LBP: variants seen among roughly 807,000 people sequenced by gnomAD.
The protein encoded by LBP is lipopolysaccharide-binding protein.
A neutral mutation model predicts 56.6 loss-of-function variants in LBP; 53 were observed. The ratio of observed to expected loss-of-function variants is 0.94; its 90% CI spans 0.75 to 1.18. The LOEUF (loss-of-function observed/expected upper bound fraction) is 1.18, where lower values mean the gene tolerates loss of function less well. Ranked by LOEUF, LBP falls within the 50% of genes most tolerant of loss-of-function variation. LBP has a pLI of 0.00. For synonymous variants in LBP, 227 were observed against 247.5 expected, an observed-to-expected ratio of 0.92 and a Z score of 0.78; for missense variants, 601 against 598.3, an observed-to-expected ratio of 1.00 and a Z score of -0.05.
chr20:38,352,817 T>C (rs1203419597), intron 3 of LBP, among the ~76,000 whole-genome samples: 1 of 149,980 alleles, frequency 6.7e-6, no homozygotes, highest in Non-Finnish European at 1.5e-5. Flanking sequence ...GGCTAATTTT[T>C]AAAATTATTT....
Position 38,360,886 on chromosome 20 carries a change from G to A in LBP, c.652+119G>A. The A allele has an allele frequency of 4.3e-6, 3 of 703,548 alleles. No homozygotes were observed. The South Asian group carries it at 6.0e-5, about 14-fold the overall frequency. The allele number at this position is 703,548 out of a possible 1,614,324, so 43.6% of individuals were successfully genotyped here. A position where few individuals can be genotyped will look rare whatever the true frequency, so the allele number is the denominator to read the frequency against. On this transcript the variant is annotated intron_variant, in intron 6 of 14. Coordinates refer to ENST00000217407, the MANE Select transcript of LBP (RefSeq NM_004139.5). ...TATAGAAAGTAAAAATTAAGGGCCAGGCGCAGCGGCTCACACCTGTAATCT... is the reference window on the plus strand; with the variant it reads ...TATAGAAAGTAAAAATTAAGGGCCAAGCGCAGCGGCTCACACCTGTAATCT...
intron 14 of LBP, among the ~76,000 whole-genome samples, chr20:38,375,986 T>C (rs565995273): frequency 7.9e-5 from 12 of 152,332 alleles, no homozygotes; most frequent in South Asian, 2.1e-4. Flanking sequence ...AGACAGATCG[T>C]TGTTCAAAGC....
intron 13 of LBP, 41 bp downstream of exon 13, chr20:38,373,176 C>T (rs1339787459): frequency 6.5e-7 from 1 of 1,534,636 alleles, no homozygotes; most frequent in Non-Finnish European, 9.0e-7. Context: ...AAAGTGAACA[C>T]TGCTGTCTGG....
chr20:38,354,305 T>C lies in LBP; in HGVS notation c.390T>C (p.Asp130=), dbSNP rs2076830730. The change falls in exon 4 of 15, where the codon GAT becomes GAC. Residue 130 remains aspartate (D), a synonymous_variant. Transcript: ENST00000217407. ...KSFFKLQGSF[D]VSVKGISISV... ...CCAGCAAACTACAGGGCTCCTTTGA[T>C]GTCAGTGTCAAGGGCATCAGCATTT... 1.9e-6 allele frequency: 3 copies of C among 1,613,670 alleles called. No homozygotes were observed. The highest frequency in any genetic ancestry group is 2.2e-5 in the East Asian group (1 of 44,874).
intron 5 of LBP, among the ~76,000 whole-genome samples, chr20:38,360,354 A>C (rs2076855460): frequency 6.6e-6 from 1 of 152,130 alleles, no homozygotes; most frequent in South Asian, 2.1e-4. Flanking sequence ...TAAACTCTAA[A>C]TTCTGAGAGG....
chr20:38,364,887 T>G (rs1443969299), intron 8 of LBP, 135 bp downstream of exon 8: 1 of 829,574 alleles, frequency 1.2e-6, no homozygotes, highest in East Asian at 2.6e-5. Context: ...AAGAAAAATA[T>G]GTTAGCACAA....
At chr20:38,348,281 C>G (rs1281052675) in intron 1 of LBP, among the ~76,000 whole-genome samples, 1 of 151,974 alleles carries the variant, frequency 6.6e-6, no homozygotes, top group Non-Finnish European at 1.5e-5. Context: ...TTTATGTAAC[C>G]AGTCCTCTGA....
chr20:38,370,109 C>T (rs913071091), intron 10 of LBP, among the ~76,000 whole-genome samples: 1 of 151,978 alleles, frequency 6.6e-6, no homozygotes, highest in Non-Finnish European at 1.5e-5. Context: ...TGTGGTGGCT[C>T]ACATCTGTAA....
At chr20:38,353,713 T>G (rs2076828649) in intron 3 of LBP, among the ~76,000 whole-genome samples, 1 of 152,192 alleles carries the variant, frequency 6.6e-6, no homozygotes, top group South Asian at 2.1e-4. Flanking sequence ...TTCTGTTTAC[T>G]CGTACATTCA....
chr20:38,364,783 T>C (rs765918425), intron 8 of LBP, 31 bp downstream of exon 8: 2 of 1,577,016 alleles, frequency 1.3e-6, no homozygotes, highest in East Asian at 2.2e-5. Flanking sequence ...GTCTCTCAAA[T>C]GAACACATAA....
At chr20:38,349,774 G>T in intron 2 of LBP, 112 bp downstream of exon 2, 1 of 727,038 alleles carries the variant, frequency 1.4e-6, no homozygotes, top group Admixed American at 2.8e-5. Flanking sequence ...GGACCTCTCC[G>T]GGGCAGACAG....
At chr20:38,365,484 G>A (rs2076877307) in intron 8 of LBP, among the ~76,000 whole-genome samples, 1 of 151,390 alleles carries the variant, frequency 6.6e-6, no homozygotes. Flanking sequence ...ATCACCTGAG[G>A]TCACGAGTTC....
Position 38,360,126 on chromosome 20 carries a change from C to T in LBP, c.589-578C>T, listed in dbSNP as rs575439262. Among the ~76,000 whole-genome samples the T allele has an allele frequency of 2.0e-5, 3 of 152,130 alleles. No individual in the cohort carries two copies. In the South Asian group the frequency reaches 6.2e-4, roughly 32 times the overall value. ...AATTAGCTGGGCGTGGTGGCACATG[C>T]CTGTGATCCCAGCTACTTGGGAGGC... On this transcript the variant is annotated intron_variant, in intron 5 of 14. Transcript: ENST00000217407.
rs754026422 is a variant in LBP, at chr20:38,346,536, C to T, written c.20C>T (p.Ala7Val). The T allele has an allele frequency of 3.7e-6, 6 of 1,613,732 alleles. No homozygotes were observed. The highest frequency in any genetic ancestry group is 4.5e-5 in the East Asian group (2 of 44,878). Residue 7 changes from alanine to valine, a missense_variant, in exon 1 of 15, where the codon GCC becomes GTC. By Grantham distance (64) the Ala-to-Val change is moderately conservative (BLOSUM62 0). Transcript: ENST00000217407. ...TCTAGGATGGGGGCCTTGGCCAGAG[C>T]CCTGCCGTCCATACTGCTGGCATTG... MGALAR[A>V]LPSILLALLL...
chr20:38,354,139 G>A (rs2076830035), intron 3 of LBP, 145 bp from the exon 4 acceptor site: 1 of 630,948 alleles, frequency 1.6e-6, no homozygotes, highest in African/African-American at 1.9e-5. Flanking sequence ...CTTTCTTCTA[G>A]ATCTTTTATG....
intron 6 of LBP, among the ~76,000 whole-genome samples, 160 bp from the exon 7 acceptor site, chr20:38,363,815 A>C (rs1343990953): frequency 6.6e-6 from 1 of 152,166 alleles, no homozygotes. Flanking sequence ...GAATCCATGT[A>C]GTGTCTTTCT....
intron 12 of LBP, among the ~76,000 whole-genome samples, 175 bp downstream of exon 12, chr20:38,371,497 T>A (rs1169861463): frequency 6.6e-6 from 1 of 152,184 alleles, no homozygotes; most frequent in Non-Finnish European, 1.5e-5. Flanking sequence ...AACAGTTATA[T>A]CCTAGTATAA....
At chr20:38,371,199 C>A (rs1432942729) in intron 11 of LBP, 81 bp from the exon 12 acceptor site, 3 of 1,128,984 alleles carry the variant, frequency 2.7e-6, no homozygotes, top group Admixed American at 3.9e-5. Flanking sequence ...TCAAGCCCAT[C>A]CTTTCTCGCT....
chr20:38,361,142 A>G (rs1178253446), intron 6 of LBP, among the ~76,000 whole-genome samples: 2 of 151,768 alleles, frequency 1.3e-5, no homozygotes, highest in African/African-American at 2.4e-5. Flanking sequence ...ACCCTGGGCA[A>G]CAAAGACCGA....
Sources: gnomAD v4.1 joint callset for allele counts (sites outside exome capture counted in the v4.1 genomes callset) on GRCh38, gnomAD v4.1.1 for gene constraint, MANE v1.5 for transcripts, NCBI Gene and HGNC (gene_info 2026-07-23, HGNC 2026-07-21) for gene names.